ZRANB3: variants seen among roughly 807,000 people sequenced by gnomAD.
ZRANB3 encodes the protein DNA annealing helicase and endonuclease ZRANB3.
In ZRANB3, 125 loss-of-function variants were observed where a neutral mutation model predicts 133.8. The ratio of observed to expected loss-of-function variants is 0.93; its 90% CI spans 0.81 to 1.08. ZRANB3 has a LOEUF of 1.08. Ranked by LOEUF, ZRANB3 falls within the 50% of genes least tolerant of loss-of-function variation. ZRANB3 has a pLI of 0.00. For missense variants in ZRANB3, 1,229 were observed against 1,275.5 expected (o/e 0.96, Z 0.56); for synonymous variants, 387 against 432.7 (o/e 0.89, Z 1.31).
At chr2:135,336,606 T>C (rs190483253) in intron 6 of ZRANB3, among the ~76,000 whole-genome samples, 2 of 152,204 alleles carry the variant, frequency 1.3e-5, no homozygotes, top group Non-Finnish European at 2.9e-5. Context: ...TTGAGAAGCA[T>C]GATATTAATC....
At chr2:135,482,413 T>A (rs1691864573) in intron 2 of ZRANB3, among the ~76,000 whole-genome samples, 1 of 148,664 alleles carries the variant, frequency 6.7e-6, no homozygotes, top group South Asian at 2.2e-4. Context: ...TTTGGCTCTC[T>A]GTTTGTCTGT....
intron 2 of ZRANB3, among the ~76,000 whole-genome samples, chr2:135,480,100 ATT>A (rs371237620): frequency 2.2e-4 from 31 of 141,514 alleles, no homozygotes; most frequent in African/African-American, 4.2e-4. Context: ...TGTCAGGCTA[ATT>A]TTTTTTTTTT....
chr2:135,421,890 CTTT>C (rs79373075), intron 2 of ZRANB3, among the ~76,000 whole-genome samples: 7 of 127,506 alleles, frequency 5.5e-5, no homozygotes, highest in African/African-American at 8.6e-5. Flanking sequence ...TTTTTTTTTC[CTTT>C]TTTTTTTTTT....
intron 2 of ZRANB3, among the ~76,000 whole-genome samples, chr2:135,485,052 A>G (rs1249173097): frequency 6.6e-6 from 1 of 152,092 alleles, no homozygotes; most frequent in Non-Finnish European, 1.5e-5. Context: ...ATGAATAAAT[A>G]AAAATAAATA....
chr2:135,392,942 A>G (rs6761931), intron 2 of ZRANB3, among the ~76,000 whole-genome samples: 29,318 of 151,766 alleles, frequency 0.19, 3,747 homozygotes, highest in African/African-American at 0.34. Context: ...GCAGTGGCAC[A>G]ATCACGGCTC....
At chr2:135,252,001 C>T (rs1327846495) in intron 12 of ZRANB3, among the ~76,000 whole-genome samples, 1 of 152,206 alleles carries the variant, frequency 6.6e-6, no homozygotes, top group East Asian at 1.9e-4. Flanking sequence ...TGCCACTGCA[C>T]TCCAGCCTGG....
chr2:135,405,784 C>T (rs553138590), intron 2 of ZRANB3, among the ~76,000 whole-genome samples: 5 of 152,262 alleles, frequency 3.3e-5, no homozygotes, highest in South Asian at 2.1e-4. Context: ...ACAACAAAGA[C>T]ACAACACACC....
chr2:135,453,765 G>T (rs570701393), intron 2 of ZRANB3, among the ~76,000 whole-genome samples: 29 of 152,300 alleles, frequency 1.9e-4, no homozygotes, highest in African/African-American at 7.0e-4. Flanking sequence ...ATCTCTAGGA[G>T]GTTCCAAACT....
intron 12 of ZRANB3, among the ~76,000 whole-genome samples, chr2:135,261,612 T>C (rs1406896736): frequency 1.3e-5 from 2 of 152,196 alleles, no homozygotes; most frequent in East Asian, 1.9e-4. Flanking sequence ...GTATGGGTGA[T>C]TTTTTAAAAT....
At chr2:135,510,560 C>G in intron 1 of ZRANB3, 2 of 684,978 alleles carry the variant, frequency 2.9e-6, no homozygotes, top group Admixed American at 2.3e-5. Context: ...TGCCATGGAG[C>G]AAGCCTTCTT....
In ZRANB3 at chr2:135,245,926, C is replaced by CAAAAAAAAAAAAAA. The variant is rs1177438717; in HGVS notation, c.1540-15013_1540-15000dup. On this transcript the variant is annotated intron_variant, in intron 12 of 20. Coordinates refer to ENST00000264159, the MANE Select transcript of ZRANB3 (RefSeq NM_032143.4). ...GGGCAACGAGATTGAAACTCCGTCT[C>CAAAAAAAAAAAAAA]AAAAAAAAAAAAAAAAAAAAAAGAG... 3.7e-3 allele frequency among the ~76,000 whole-genome samples: 73 copies of CAAAAAAAAAAAAAA among 19,538 alleles called. 7 individuals are homozygous for CAAAAAAAAAAAAAA. The highest frequency in any genetic ancestry group is 5.3e-3 in the South Asian group (1 of 188). The allele number at this position is 19,538 out of a possible 152,430, so 12.8% of individuals were successfully genotyped here.
chr2:135,388,404 T>C (rs186978941), intron 3 of ZRANB3, among the ~76,000 whole-genome samples: 25 of 152,256 alleles, frequency 1.6e-4, no homozygotes, highest in African/African-American at 4.8e-4. Context: ...ATTCCATAGA[T>C]TTAAGGTGCA....
At chr2:135,481,960 G>A (rs764254271) in intron 2 of ZRANB3, among the ~76,000 whole-genome samples, 19 of 137,262 alleles carry the variant, frequency 1.4e-4, no homozygotes, top group Admixed American at 1.3e-3. Context: ...GCTCTGTTCT[G>A]TTCCATTGAT....
At chr2:135,295,137 A>T (rs1681986850) in intron 8 of ZRANB3, among the ~76,000 whole-genome samples, 1 of 151,874 alleles carries the variant, frequency 6.6e-6, no homozygotes, top group Admixed American at 6.6e-5. Flanking sequence ...GCTGGGGTTA[A>T]CTTTCTGTCG....
chr2:135,474,127 GT>G (rs1691398658), intron 2 of ZRANB3, among the ~76,000 whole-genome samples: 1 of 152,058 alleles, frequency 6.6e-6, no homozygotes, highest in Non-Finnish European at 1.5e-5. Flanking sequence ...GAAACCAGAG[GT>G]TGCAGTGAAC....
chr2:135,312,692 T>A (rs575608613), intron 8 of ZRANB3, among the ~76,000 whole-genome samples: 1 of 152,244 alleles, frequency 6.6e-6, no homozygotes, highest in South Asian at 2.1e-4. Flanking sequence ...GCAGTAATAA[T>A]GTAGTAAAAC....
chr2:135,445,416 C>G lies in ZRANB3; in HGVS notation c.162-54596G>C, dbSNP rs549689447. 9.2e-5 allele frequency among the ~76,000 whole-genome samples: 14 copies of G among 151,980 alleles called. 2 individuals are homozygous for G. In the South Asian group the frequency reaches 2.7e-3, roughly 29 times the overall value. On this transcript the variant is annotated intron_variant, in intron 2 of 20. Coordinates refer to ENST00000264159, the MANE Select transcript of ZRANB3 (RefSeq NM_032143.4). ...CCAAGATGGCTCACTGCACTCCAGC[C>G]TGGGTGACACAGTGAAACTCCATCT...
intron 2 of ZRANB3, among the ~76,000 whole-genome samples, chr2:135,404,743 C>T (rs528971607): frequency 2.7e-4 from 41 of 152,292 alleles, no homozygotes; most frequent in East Asian, 1.7e-3. Context: ...ATTAGACTAA[C>T]GGCGGATCTC....
chr2:135,202,690 T>C, intron 20 of ZRANB3, 142 bp downstream of exon 20: 1 of 1,006,094 alleles, frequency 9.9e-7, no homozygotes, highest in South Asian at 1.9e-5. Context: ...GAAAGGCAAG[T>C]GTTGGGTGAT....
Sources: gnomAD v4.1 joint callset for allele counts (sites outside exome capture counted in the v4.1 genomes callset) on GRCh38, gnomAD v4.1.1 for gene constraint, MANE v1.5 for transcripts, NCBI Gene and HGNC (gene_info 2026-07-23, HGNC 2026-07-21) for gene names.